Variants in COP1 observed in about 807,000 individuals in gnomAD.
COP1 encodes COP1 E3 ubiquitin ligase, also known as E3 ubiquitin-protein ligase COP1.
In COP1, 24 loss-of-function variants were observed where a neutral mutation model predicts 101.3. The observed-to-expected ratio is 0.24, with a 90% CI of 0.17 to 0.33. The LOEUF is 0.33. Among genes scored for constraint, COP1 ranks in the 10% least tolerant of loss-of-function variants. The pLI is 1.00. For missense variants in COP1, 663 were observed against 906.2 expected, an observed-to-expected ratio of 0.73 and a Z score of 3.45; for synonymous variants, 347 against 341.9, an observed-to-expected ratio of 1.01 and a Z score of -0.17.
chr1:175,987,247 A>G, intron 17 of COP1, 144 bp from the exon 18 acceptor site: 1 of 469,110 alleles, frequency 2.1e-6, no homozygotes, highest in Non-Finnish European at 3.7e-6. Flanking sequence ...AGGACTAATT[A>G]GAAATCATGT....
At chr1:175,999,210 T>C (rs925881449) in intron 15 of COP1, among the ~76,000 whole-genome samples, 1 of 152,208 alleles carries the variant, frequency 6.6e-6, no homozygotes, top group East Asian at 1.9e-4. Flanking sequence ...ACTCATTCTG[T>C]GTATTTTTTG....
intron 1 of COP1, among the ~76,000 whole-genome samples, chr1:176,187,668 G>A (rs903780403): frequency 7.2e-5 from 11 of 152,108 alleles, no homozygotes; most frequent in African/African-American, 2.4e-4. Context: ...CTTTCTAATT[G>A]TAATTCCTTA....
Position 176,085,840 on chromosome 1 carries a change from T to C in COP1, c.1077A>G (p.Arg359=). 1.2e-6 allele frequency: 2 copies of C among 1,608,818 alleles called. No homozygotes were observed. The highest frequency in any genetic ancestry group is 1.7e-6 in the Non-Finnish European group (2 of 1,176,234). ...YNSTLASRRK[R]LTAHFEDLEQ... ...CCAAGTCTTCAAAATGAGCAGTAAG[T>C]CGTTTTCGTCTTGATGCTAACGTGC... Residue 359 remains arginine (R), a synonymous_variant, in exon 10 of 20, where the codon CGA becomes CGG. Coordinates refer to ENST00000367669, the MANE Select transcript of COP1 (RefSeq NM_022457.7).
intron 3 of COP1, among the ~76,000 whole-genome samples, chr1:176,168,200 G>A (rs982823574): frequency 5.9e-5 from 9 of 151,694 alleles, no homozygotes; most frequent in East Asian, 3.9e-4. Flanking sequence ...TGGGATTACC[G>A]GTGCGCACCA....
chr1:176,025,109 C>T (rs901940069), intron 15 of COP1, among the ~76,000 whole-genome samples: 1 of 152,096 alleles, frequency 6.6e-6, no homozygotes, highest in Non-Finnish European at 1.5e-5. Context: ...CTAAAAGGTA[C>T]TTGATAAAAT....
At chr1:176,008,116 T>C (rs1419834275) in intron 15 of COP1, among the ~76,000 whole-genome samples, 1 of 152,182 alleles carries the variant, frequency 6.6e-6, no homozygotes, top group Non-Finnish European at 1.5e-5. Flanking sequence ...TCCAGGTGCG[T>C]CCGTCACCCC....
chr1:176,112,516 G>A (rs1250131614), intron 9 of COP1, among the ~76,000 whole-genome samples: 1 of 152,032 alleles, frequency 6.6e-6, no homozygotes, highest in African/African-American at 2.4e-5. Flanking sequence ...AATCAATTAG[G>A]GTAACTGGTA....
rs1380194302 is a variant in COP1 at position 176,136,139 on chromosome 1, GCA to G, written c.891+347_891+348del. 3.3e-5 allele frequency among the ~76,000 whole-genome samples: 5 copies of G among 152,034 alleles called. No homozygotes were observed. The East Asian group carries it at 7.7e-4, about 24-fold the overall frequency. Reference sequence around the variant, plus strand: ...TTAATTAACCTTAACTCCTAGAAATGCACAGAGTAGGTATGTAAAAGTTATTA... The same window carrying G: ...TTAATTAACCTTAACTCCTAGAAATGCAGAGTAGGTATGTAAAAGTTATTA... On this transcript the variant is annotated intron_variant, in intron 7 of 19. Transcript: ENST00000367669.
intron 15 of COP1, among the ~76,000 whole-genome samples, chr1:176,008,575 C>T (rs1163404297): frequency 6.6e-6 from 1 of 152,120 alleles, no homozygotes; most frequent in East Asian, 1.9e-4. Flanking sequence ...TAACTAATTA[C>T]AAATATATAA....
chr1:176,168,132 A>G (rs1047222678), intron 3 of COP1, among the ~76,000 whole-genome samples: 2 of 151,266 alleles, frequency 1.3e-5, no homozygotes, highest in African/African-American at 4.9e-5. Flanking sequence ...ATCTCGGCTC[A>G]CCGCAACCTC....
At chr1:175,957,550 G>A (rs1490653604) in intron 18 of COP1, among the ~76,000 whole-genome samples, 1 of 152,100 alleles carries the variant, frequency 6.6e-6, no homozygotes, top group Non-Finnish European at 1.5e-5. Context: ...TCACCTAATG[G>A]CATTTCTCAA....
chr1:176,122,284 G>A (rs745861513), intron 8 of COP1, among the ~76,000 whole-genome samples: 4 of 152,030 alleles, frequency 2.6e-5, no homozygotes, highest in South Asian at 2.1e-4. Context: ...ATGTTTTAAC[G>A]CTGAAATATT....
chr1:176,099,804 A>G (rs567647451), intron 9 of COP1, among the ~76,000 whole-genome samples: 52 of 152,230 alleles, frequency 3.4e-4, no homozygotes, highest in South Asian at 1.0e-3. Context: ...CTGACCTGTG[A>G]TAAGTAAAGA....
intron 15 of COP1, 58 bp downstream of exon 15, chr1:176,027,514 T>C (rs1187120401): frequency 1.0e-6 from 1 of 997,872 alleles, no homozygotes. Flanking sequence ...TGCTCTCCTA[T>C]CCTTACCATG....
At chr1:175,963,454 A>G (rs756624455) in intron 18 of COP1, among the ~76,000 whole-genome samples, 9 of 152,282 alleles carry the variant, frequency 5.9e-5, no homozygotes, top group Non-Finnish European at 8.8e-5. Flanking sequence ...TACGTTTTAC[A>G]GCCAGCCCGA....
At chr1:175,969,531 T>C (rs1029972699) in intron 18 of COP1, among the ~76,000 whole-genome samples, 1 of 152,212 alleles carries the variant, frequency 6.6e-6, no homozygotes, top group African/African-American at 2.4e-5. Context: ...CCCAGTTTAT[T>C]ACCATTAGAT....
chr1:176,116,152 C>T (rs1228534727), intron 9 of COP1, among the ~76,000 whole-genome samples: 1 of 152,082 alleles, frequency 6.6e-6, no homozygotes, highest in Non-Finnish European at 1.5e-5. Context: ...GTGAGGCAGA[C>T]AGATCGCTTG....
chr1:176,012,557 A>C (rs893849824), intron 15 of COP1, among the ~76,000 whole-genome samples: 2 of 152,238 alleles, frequency 1.3e-5, no homozygotes, highest in African/African-American at 4.8e-5. Context: ...GTATAGCCTA[A>C]GTATACAGTA....
chr1:176,031,547 A>G (rs1238166386), intron 14 of COP1, among the ~76,000 whole-genome samples: 1 of 152,188 alleles, frequency 6.6e-6, no homozygotes, highest in Non-Finnish European at 1.5e-5. Context: ...ATCATCTTCT[A>G]GGTGAAGAGC....
Sources: allele counts gnomAD v4.1 joint callset (sites outside exome capture counted in the v4.1 genomes callset), GRCh38; gene constraint gnomAD v4.1.1; transcripts MANE v1.5; gene names NCBI Gene and HGNC (gene_info 2026-07-23, HGNC 2026-07-21).